Variants in ZIM2 observed in about 807,000 individuals in gnomAD.
ZIM2 encodes the protein zinc finger imprinted 2, also known as zinc finger protein 656.
In ZIM2, 14 loss-of-function variants were observed where a neutral mutation model predicts 38.6. The observed-to-expected ratio is 0.36, with a 90% CI of 0.24 to 0.57. The LOEUF (loss-of-function observed/expected upper bound fraction) is 0.57, where lower values mean the gene tolerates loss of function less well. ZIM2 is among the 20% of genes least tolerant of loss of function. ZIM2 has a pLI of 0.81. For missense variants in ZIM2, 680 were observed against 695.1 expected (o/e 0.98, Z 0.24); for synonymous variants, 247 against 245.8 (o/e 1.00, Z -0.04).
At chr19:56,810,238 T>TC in intron 9 of ZIM2, 1 of 983,454 alleles carries the variant, frequency 1.0e-6, no homozygotes, top group South Asian at 4.7e-5. Flanking sequence ...GGTGAGTTTC[T>TC]CTTCTACATT....
At chr19:56,798,121 A>C (rs565146682) in intron 9 of ZIM2, 62 of 152,356 alleles carry the variant, frequency 4.1e-4, no homozygotes, top group African/African-American at 1.5e-3. Context: ...TTTTACAATC[A>C]AAACTGCCAT....
intron 9 of ZIM2, chr19:56,810,214 A>T: frequency 2.0e-6 from 2 of 982,770 alleles, no homozygotes; most frequent in Non-Finnish European, 2.4e-6. Flanking sequence ...CACTCTTTGG[A>T]TGGTGAAAAC....
rs770366419 is a variant in ZIM2 at position 56,815,246 on chromosome 19, C to T, written c.490+2500G>A. ...TGGGTCTCCTCCCCATCAGTATTCT[C>T]GCCTTGAGACTCCTCGCCATGAGAC... On this transcript the variant is annotated intron_variant, in intron 9 of 12. Coordinates refer to ENST00000629319, the MANE Select transcript of ZIM2 (RefSeq NM_001387356.1). 16 of 1,614,076 alleles carry T rather than the reference C, an allele frequency of 9.9e-6. No homozygotes were observed. In the East Asian group the frequency reaches 2.0e-4, roughly 20 times the overall value.
At chr19:56,797,743 G>A (rs922726517) in intron 9 of ZIM2, among the ~76,000 whole-genome samples, 2 of 152,148 alleles carry the variant, frequency 1.3e-5, no homozygotes, top group African/African-American at 2.4e-5. Context: ...GTGAGTTTAA[G>A]GGACCACTTT....
chr19:56,831,252 A>G (rs897532746), intron 2 of ZIM2, among the ~76,000 whole-genome samples: 3 of 152,256 alleles, frequency 2.0e-5, no homozygotes, highest in Non-Finnish European at 2.9e-5. Context: ...AACAGAGTCC[A>G]GAATTCAACT....
chr19:56,774,778 T>C lies in ZIM2; in HGVS notation c.1587A>G (p.Leu529=), dbSNP rs1369640913. Residue 529 remains leucine, a synonymous_variant, in exon 13 of 13, where the codon CTA becomes CTG. Transcript: ENST00000629319. The part of the protein sequence containing the change: ...HTQERPYQCQ[L]CGKCFGRPSY... Reference sequence around the variant, plus strand: ...AGGGTCGGCCGAAACATTTCCCACATAGCTGACACTGGTAAGGCCTCTCTT... The same window carrying C: ...AGGGTCGGCCGAAACATTTCCCACACAGCTGACACTGGTAAGGCCTCTCTT... 1 of 1,614,202 alleles carries C rather than the reference T, an allele frequency of 6.2e-7. No individual in the cohort carries two copies. The highest frequency in any genetic ancestry group is 8.5e-7 in the Non-Finnish European group (1 of 1,180,032).
At chr19:56,824,579 T>A in intron 3 of ZIM2, 152 bp from the exon 4 acceptor site, 1 of 1,614,118 alleles carries the variant, frequency 6.2e-7, no homozygotes, top group Non-Finnish European at 8.5e-7. Flanking sequence ...CTTAGTCAAG[T>A]CACTGTCTAG....
intron 1 of ZIM2, among the ~76,000 whole-genome samples, chr19:56,838,291 C>T (rs2062432779): frequency 6.6e-6 from 1 of 152,032 alleles, no homozygotes; most frequent in Admixed American, 6.5e-5. Flanking sequence ...AAAGCCCTCC[C>T]TCATGCCCGC....
intron 7 of ZIM2, 78 bp from the exon 8 acceptor site, chr19:56,818,780 G>C (rs1451291799): frequency 6.6e-7 from 1 of 1,506,936 alleles, no homozygotes; most frequent in African/African-American, 1.4e-5. Flanking sequence ...TGGCAACATG[G>C]GAGTTACATA....
chr19:56,780,736 G>A (rs1443196998), intron 11 of ZIM2, among the ~76,000 whole-genome samples: 2 of 152,166 alleles, frequency 1.3e-5, no homozygotes, highest in Non-Finnish European at 2.9e-5. Context: ...TACTAAAATG[G>A]AAGAATAACA....
chr19:56,775,410 A>G lies in ZIM2; in HGVS notation c.955T>C (p.Phe319Leu). The G allele has an allele frequency of 6.2e-7, 1 of 1,614,126 alleles. No homozygotes were observed. Among genetic ancestry groups the G allele is most frequent in the Non-Finnish European group, 8.5e-7 (1 of 1,180,024 alleles). The change falls in exon 13 of 13, where the codon TTT becomes CTT. Residue 319 changes from phenylalanine (F) to leucine (L), a missense_variant. Coordinates refer to ENST00000629319, the MANE Select transcript of ZIM2 (RefSeq NM_001387356.1). ...TTACTAAGATTAGAGCTTCTCTCAA[A>G]TTCATCACTGCCATAGCTTCTTTCC... is the stretch of plus-strand genomic sequence containing the variant. ...TPERSYGSDE[F>L]ERSSNLSKQS...
rs145176547 is a variant in ZIM2, at chr19:56,818,747, G to A, written c.295-45C>T. The A allele has an allele frequency of 2.7e-4, 436 of 1,592,452 alleles. 2 individuals are homozygous for A. In the Middle Eastern group the frequency reaches 5.0e-3, roughly 18 times the overall value. ...CCTCTCAATGGAGTCTGTCCCCACC[G>A]ATGTTCAAAGACAGAATAATGTTGG... On this transcript the variant is annotated intron_variant, in intron 7 of 12. Transcript: ENST00000629319.
intron 2 of ZIM2, among the ~76,000 whole-genome samples, chr19:56,830,935 T>A (rs1206773258): frequency 6.7e-6 from 1 of 150,212 alleles, no homozygotes; most frequent in African/African-American, 2.5e-5. Flanking sequence ...ACCAAAAAAA[T>A]AAAAAACAAT....
At chr19:56,817,538 G>A (rs771139564) in intron 9 of ZIM2, 42 of 1,597,746 alleles carry the variant, frequency 2.6e-5, no homozygotes, top group East Asian at 1.3e-4. Context: ...CAAATCCCCC[G>A]CCGGTGGGTT....
intron 10 of ZIM2, 118 bp from the exon 11 acceptor site, chr19:56,782,239 ATCTT>A (rs1281793165): frequency 7.3e-6 from 10 of 1,362,084 alleles, no homozygotes; most frequent in Admixed American, 2.3e-5. Context: ...CTGGCATTGC[ATCTT>A]TCTTTGTCTT....
intron 9 of ZIM2, among the ~76,000 whole-genome samples, chr19:56,808,799 C>T (rs1233151963): frequency 6.6e-6 from 1 of 152,166 alleles, no homozygotes; most frequent in Non-Finnish European, 1.5e-5. Flanking sequence ...CTCCACAAGG[C>T]ACTGGGGTGG....
Position 56,824,434 on chromosome 19 carries a change from C to A in ZIM2, c.-150-7G>T, listed in dbSNP as rs947664029. The stretch of plus-strand genomic sequence containing the variant: ...CCTTGGTGCGGGTCTCCGGCTGCAA[C>A]CAATCGAGGCAGAGGTTTCGGAGTT... On this transcript the variant is annotated splice_region_variant and splice_polypyrimidine_tract_variant and intron_variant, in intron 3 of 12. Coordinates refer to ENST00000629319, the MANE Select transcript of ZIM2 (RefSeq NM_001387356.1). 1.2e-6 allele frequency: 2 copies of A among 1,613,968 alleles called. No homozygotes were observed. The highest frequency in any genetic ancestry group is 1.7e-6 in the Non-Finnish European group (2 of 1,180,026).
chr19:56,838,376 C>T (rs1224100568), intron 1 of ZIM2, among the ~76,000 whole-genome samples: 1 of 152,184 alleles, frequency 6.6e-6, no homozygotes, highest in Non-Finnish European at 1.5e-5. Context: ...GTGGCTAGCA[C>T]AGACAGTACC....
intron 2 of ZIM2, among the ~76,000 whole-genome samples, chr19:56,832,323 C>T (rs1424299915): frequency 6.6e-6 from 1 of 152,164 alleles, no homozygotes; most frequent in Non-Finnish European, 1.5e-5. Context: ...TAAGCACTCC[C>T]ACCGACAGTA....
Sources: allele counts gnomAD v4.1 joint callset (sites outside exome capture counted in the v4.1 genomes callset), GRCh38; gene constraint gnomAD v4.1.1; transcripts MANE v1.5; gene names NCBI Gene and HGNC (gene_info 2026-07-23, HGNC 2026-07-21).